PCDHA9: variants seen among roughly 807,000 people sequenced by gnomAD.
PCDHA9 encodes protocadherin alpha 9, also known as protocadherin alpha-9.
Under a neutral mutation model 62.0 loss-of-function variants are expected in PCDHA9, and 62 were observed. That is an observed-to-expected ratio of 1.00 (90% CI 0.81 to 1.23). PCDHA9 has a LOEUF of 1.23. Ranked by LOEUF, PCDHA9 falls within the 50% of genes most tolerant of loss-of-function variation. PCDHA9 has a pLI of 0.00. For missense variants in PCDHA9, 1,205 were observed against 1,249.8 expected (o/e 0.96, Z 0.54); for synonymous variants, 557 against 567.6 (o/e 0.98, Z 0.27).
At chr5:140,888,972 G>A (rs900678700) in intron 1 of PCDHA9, among the ~76,000 whole-genome samples, 15 of 151,928 alleles carry the variant, frequency 9.9e-5, no homozygotes, top group Non-Finnish European at 4.4e-5. Context: ...TTAATGTGTT[G>A]AATTTATGAT....
At chr5:140,941,197 TTCTTC>T (rs1554213863) in intron 1 of PCDHA9, among the ~76,000 whole-genome samples, 1 of 112,110 alleles carries the variant, frequency 8.9e-6, no homozygotes. Context: ...TTTTTTTTCT[TTCTTC>T]CTTTCTTTCT....
intron 1 of PCDHA9, among the ~76,000 whole-genome samples, chr5:140,891,306 A>G (rs1452305510): frequency 6.6e-6 from 1 of 152,034 alleles, no homozygotes; most frequent in African/African-American, 2.4e-5. Flanking sequence ...ATTTGATTAC[A>G]TGAGTAAGTT....
intron 3 of PCDHA9, among the ~76,000 whole-genome samples, chr5:140,994,668 G>A (rs2097644296): frequency 6.6e-6 from 1 of 152,118 alleles, no homozygotes; most frequent in Admixed American, 6.5e-5. Context: ...TCACACTACT[G>A]CACTCCAGCC....
At chr5:140,870,505 C>T in intron 1 of PCDHA9, 1 of 1,614,220 alleles carries the variant, frequency 6.2e-7, no homozygotes, top group Non-Finnish European at 8.5e-7. Context: ...GGAGAACAAC[C>T]CACCAGGCTG....
At chr5:140,890,829 T>A (rs1477608523) in intron 1 of PCDHA9, among the ~76,000 whole-genome samples, 1 of 152,226 alleles carries the variant, frequency 6.6e-6, no homozygotes, top group Non-Finnish European at 1.5e-5. Context: ...TGTACTTACA[T>A]ATTTACCAGT....
chr5:140,934,040 T>C (rs185239175), intron 1 of PCDHA9, among the ~76,000 whole-genome samples: 230 of 152,238 alleles, frequency 1.5e-3, no homozygotes, highest in African/African-American at 5.3e-3. Flanking sequence ...ATTAATGATA[T>C]TAGTCTTTCC....
Position 141,010,329 on chromosome 5 carries a change from G to A in PCDHA9, c.*392G>A. The A allele has an allele frequency of 6.5e-7, 1 of 1,538,672 alleles. No individual in the cohort carries two copies. Among genetic ancestry groups the A allele is most frequent in the Non-Finnish European group, 8.8e-7 (1 of 1,142,532 alleles). On this transcript the variant is annotated 3_prime_UTR_variant, in exon 4 of 4. Transcript: ENST00000532602. ...AGTTTTGAGATTGAGCAGCTTGGGA[G>A]TTTGTGGCCACTGGGTATGTGTGGC...
chr5:140,884,472 G>A (rs1382253304), intron 1 of PCDHA9: 2 of 1,613,830 alleles, frequency 1.2e-6, no homozygotes, highest in Non-Finnish European at 1.7e-6. Flanking sequence ...TGCGCGCCGG[G>A]CAAGCCCACT....
rs1554262420 is a variant in PCDHA9, at chr5:141,009,791, C to G, written c.2707C>G (p.Pro903Ala). ...TGCAATCATCTCCATCCGGCAGGAG[C>G]CTACTAACAGCCAAATTGACAAAAG... ...SPAIISIRQE[P>A]TNSQIDKSDF... The change falls in exon 4 of 4, where the codon CCT becomes GCT. Residue 903 changes from proline (P) to alanine (A), a missense_variant. Pro to Ala is a conservative substitution (Grantham distance 27). This residue lies in a region of PCDHA9 where 887 missense variants were observed against 809.5 expected (regional missense o/e 1.10). Transcript: ENST00000532602. 1 of 1,614,084 alleles carries G rather than the reference C, an allele frequency of 6.2e-7. No individual in the cohort carries two copies. Among genetic ancestry groups the G allele is most frequent in the Admixed American group, 1.7e-5 (1 of 60,016 alleles).
intron 1 of PCDHA9, chr5:140,852,273 GT>G (rs2042286951): frequency 2.0e-6 from 1 of 502,736 alleles, no homozygotes; most frequent in South Asian, 8.6e-5. Context: ...AATATTACAT[GT>G]TTTTTGTCTT....
At chr5:140,880,861 T>C (rs1416708298) in intron 1 of PCDHA9, among the ~76,000 whole-genome samples, 1 of 152,188 alleles carries the variant, frequency 6.6e-6, no homozygotes, top group African/African-American at 2.4e-5. Context: ...AGTCTAATTA[T>C]GTGAAGAGGT....
rs377373799 is a variant in PCDHA9, at chr5:141,009,886, C to G, written c.2802C>G (p.Thr934=). 3.3e-5 allele frequency: 54 copies of G among 1,612,722 alleles called. No individual in the cohort carries two copies. The highest frequency in any genetic ancestry group is 4.6e-5 in the Non-Finnish European group (54 of 1,179,784). The stretch of plus-strand genomic sequence containing the variant: ...AGAAAAAGAAGAAGGGTAACAAGAC[C>G]CAGGAGAAAAAAGAGAAAGGGAACA... ...KKKKKKKGNK[T]QEKKEKGNST... Residue 934 remains threonine (T), a synonymous_variant, in exon 4 of 4, where the codon ACC becomes ACG. Transcript: ENST00000532602.
chr5:140,963,927 T>C (rs1439271741), intron 1 of PCDHA9, among the ~76,000 whole-genome samples: 1 of 152,220 alleles, frequency 6.6e-6, no homozygotes, highest in East Asian at 1.9e-4. Context: ...AAGTAACATG[T>C]CCATAGCCAA....
intron 1 of PCDHA9, chr5:140,851,160 A>G: frequency 7.7e-7 from 1 of 1,297,140 alleles, no homozygotes; most frequent in Non-Finnish European, 9.9e-7. Context: ...TTCTGATGCT[A>G]TGCTGCCATA....
At chr5:140,929,484 T>G (rs1445028927) in intron 1 of PCDHA9, 9 of 1,156,262 alleles carry the variant, frequency 7.8e-6, no homozygotes, top group Non-Finnish European at 1.0e-5. Flanking sequence ...AGTATAGAAG[T>G]ATTAGAAGAT....
chr5:140,877,062 G>T, intron 1 of PCDHA9: 3 of 1,612,992 alleles, frequency 1.9e-6, no homozygotes, highest in Non-Finnish European at 2.5e-6. Flanking sequence ...AGCTGGAGCT[G>T]CTGCAGTTCC....
chr5:140,893,210 G>C (rs2063874103), intron 1 of PCDHA9, among the ~76,000 whole-genome samples: 1 of 152,204 alleles, frequency 6.6e-6, no homozygotes, highest in Non-Finnish European at 1.5e-5. Flanking sequence ...GTAAGTATGG[G>C]AGGTGCAGGT....
chr5:140,918,632 C>A (rs1182828125), intron 1 of PCDHA9, among the ~76,000 whole-genome samples: 1 of 152,164 alleles, frequency 6.6e-6, no homozygotes, highest in Non-Finnish European at 1.5e-5. Flanking sequence ...TCCCCAAATT[C>A]ATAAATTGAA....
rs782492418 is a variant in PCDHA9 at position 140,858,271 on chromosome 5, C to T, written c.2394+7382C>T. On this transcript the variant is annotated intron_variant, in intron 1 of 3. Coordinates refer to ENST00000532602, the MANE Select transcript of PCDHA9 (RefSeq NM_031857.2). ...TGAAGCCCACGCTGGTGTGCTCTAGCGCGGTGGGGAGCTGGTCTTACTCGC... is the reference window on the plus strand; with the variant it reads ...TGAAGCCCACGCTGGTGTGCTCTAGTGCGGTGGGGAGCTGGTCTTACTCGC... 2.3e-5 allele frequency: 37 copies of T among 1,597,010 alleles called. 3 individuals are homozygous for T. The highest frequency in any genetic ancestry group is 8.4e-5 in the Admixed American group (5 of 59,172).
Sources: allele counts gnomAD v4.1 joint callset (sites outside exome capture counted in the v4.1 genomes callset), GRCh38; gene constraint gnomAD v4.1.1; regional missense constraint gnomAD v4.1.1; transcripts MANE v1.5; gene names NCBI Gene and HGNC (gene_info 2026-07-23, HGNC 2026-07-21).